The following ZNF277 variants were observed in gnomAD, a reference collection of about 807,000 sequenced individuals.
ZNF277 encodes zinc finger protein 277.
ZNF277 carries 55 observed loss-of-function variants against 60.7 expected under a neutral mutation model. The ratio of observed to expected loss-of-function variants is 0.91; its 90% CI spans 0.73 to 1.13. The LOEUF (loss-of-function observed/expected upper bound fraction) is 1.13. Among genes scored for constraint, ZNF277 ranks in the 50% most tolerant of loss-of-function variants. ZNF277 has a pLI of 0.00. For synonymous variants in ZNF277, 178 were observed against 179.3 expected (o/e 0.99, Z 0.06); for missense variants, 510 against 523.0 (o/e 0.98, Z 0.24).
At chr7:112,287,117 G>A (rs560924941) in intron 2 of ZNF277, 43 bp downstream of exon 2, 14 of 1,598,544 alleles carry the variant, frequency 8.8e-6, no homozygotes, top group East Asian at 6.7e-5. Flanking sequence ...ATTTGACCAT[G>A]TGTGGTGGCT....
chr7:112,277,838 A>G (rs1791844809), intron 1 of ZNF277, among the ~76,000 whole-genome samples: 2 of 152,234 alleles, frequency 1.3e-5, no homozygotes, highest in Non-Finnish European at 2.9e-5. Flanking sequence ...CAGAATAGAT[A>G]TTGTAAAAAT....
At chr7:112,302,279 A>G (rs1178616144) in intron 4 of ZNF277, among the ~76,000 whole-genome samples, 3 of 152,110 alleles carry the variant, frequency 2.0e-5, no homozygotes, top group African/African-American at 7.2e-5. Context: ...ATAAAGCCAC[A>G]ACAAAATGAA....
At chr7:112,287,206 C>G (rs1792089374) in intron 2 of ZNF277, 132 bp downstream of exon 2, 1 of 855,792 alleles carries the variant, frequency 1.2e-6, no homozygotes, top group Admixed American at 2.5e-5. Context: ...GATGCCAGCT[C>G]TAAAAACAAA....
intron 7 of ZNF277, among the ~76,000 whole-genome samples, chr7:112,331,741 C>G (rs1170790789): frequency 2.0e-5 from 3 of 152,150 alleles, no homozygotes; most frequent in African/African-American, 4.8e-5. Context: ...TCATTACTTC[C>G]TAGAGCAAAT....
chr7:112,231,230 T>C (rs1038962671), intron 1 of ZNF277, among the ~76,000 whole-genome samples: 2 of 149,564 alleles, frequency 1.3e-5, no homozygotes, highest in Non-Finnish European at 3.0e-5. Context: ...AAAAAAAAAA[T>C]TGTGTCTTTG....
chr7:112,318,382 C>T, intron 5 of ZNF277, 109 bp downstream of exon 5: 1 of 907,048 alleles, frequency 1.1e-6, no homozygotes, highest in Non-Finnish European at 1.7e-6. Context: ...GCTCAGGACC[C>T]TTTCGTATAT....
chr7:112,324,751 A>G (rs1372906868), intron 5 of ZNF277, among the ~76,000 whole-genome samples: 1 of 152,198 alleles, frequency 6.6e-6, no homozygotes, highest in African/African-American at 2.4e-5. Context: ...TATTATATAT[A>G]GATATATAAG....
chr7:112,238,065 A>G (rs139433658), intron 1 of ZNF277, among the ~76,000 whole-genome samples: 144 of 152,316 alleles, frequency 9.5e-4, no homozygotes, highest in Non-Finnish European at 8.5e-4. Flanking sequence ...TTGAACAACT[A>G]TCCACACAAG....
intron 2 of ZNF277, chr7:112,288,787 G>C (rs1471140052): frequency 2.6e-5 from 4 of 151,184 alleles, no homozygotes; most frequent in African/African-American, 9.7e-5. Flanking sequence ...ATCTCCACTA[G>C]AAGAGGACCA....
At chr7:112,323,178 G>C (rs1793023363) in intron 5 of ZNF277, among the ~76,000 whole-genome samples, 1 of 152,184 alleles carries the variant, frequency 6.6e-6, no homozygotes, top group African/African-American at 2.4e-5. Context: ...ATCTTCACAG[G>C]TTTTTCTGGG....
chr7:112,284,070 T>G (rs180799773), intron 1 of ZNF277, among the ~76,000 whole-genome samples: 227 of 152,336 alleles, frequency 1.5e-3, no homozygotes, highest in African/African-American at 5.2e-3. Context: ...ACATTGTGAC[T>G]TTGGGAACTT....
chr7:112,227,989 C>A (rs990383953), intron 1 of ZNF277, among the ~76,000 whole-genome samples: 1 of 151,770 alleles, frequency 6.6e-6, no homozygotes, highest in Non-Finnish European at 1.5e-5. Flanking sequence ...GAAATTTATT[C>A]GCTCACAGTT....
At chr7:112,299,884 GTAT>G (rs1369217103) in intron 4 of ZNF277, among the ~76,000 whole-genome samples, 2 of 152,150 alleles carry the variant, frequency 1.3e-5, no homozygotes, top group Admixed American at 6.5e-5. Context: ...ATTTGCATAT[GTAT>G]TATTCTTAAA....
intron 1 of ZNF277, among the ~76,000 whole-genome samples, chr7:112,255,731 C>T (rs1165369949): frequency 6.6e-6 from 1 of 152,198 alleles, no homozygotes; most frequent in African/African-American, 2.4e-5. Context: ...CTGTATCTCA[C>T]CTGGGCTGTT....
At chr7:112,326,843 A>G (rs932426624) in intron 5 of ZNF277, among the ~76,000 whole-genome samples, 1 of 152,212 alleles carries the variant, frequency 6.6e-6, no homozygotes, top group East Asian at 1.9e-4. Context: ...GCTCTCCAAA[A>G]CAATCACCTT....
At chr7:112,296,849 G>A (rs1792347498) in intron 4 of ZNF277, among the ~76,000 whole-genome samples, 1 of 146,120 alleles carries the variant, frequency 6.8e-6, no homozygotes, top group Non-Finnish European at 1.5e-5. Context: ...GCACATACAA[G>A]CATGAAAATT....
At chr7:112,317,068 A>G (rs1358557024) in intron 4 of ZNF277, among the ~76,000 whole-genome samples, 1 of 152,038 alleles carries the variant, frequency 6.6e-6, no homozygotes, top group Non-Finnish European at 1.5e-5. Flanking sequence ...ACCAAACACC[A>G]CATGTTCTCA....
chr7:112,254,530 G>A (rs946856248), intron 1 of ZNF277, among the ~76,000 whole-genome samples: 4 of 152,074 alleles, frequency 2.6e-5, no homozygotes, highest in Admixed American at 6.6e-5. Context: ...TGTTTTTTAT[G>A]GCCTCTAAGT....
chr7:112,300,847 T>C (rs1289566513), intron 4 of ZNF277, among the ~76,000 whole-genome samples: 3 of 152,142 alleles, frequency 2.0e-5, no homozygotes, highest in Non-Finnish European at 2.9e-5. Flanking sequence ...GCATATTTAA[T>C]TGATTCTTTT....
Sources: allele counts gnomAD v4.1 joint callset (sites outside exome capture counted in the v4.1 genomes callset), GRCh38; gene constraint gnomAD v4.1.1; transcripts MANE v1.5; gene names NCBI Gene and HGNC (gene_info 2026-07-23, HGNC 2026-07-21).